The following ABCA4 variants were observed in gnomAD, a reference collection of about 807,000 sequenced individuals.
ABCA4 encodes the protein retinal-specific phospholipid-transporting ATPase ABCA4.
Under a neutral mutation model 263.7 loss-of-function variants are expected in ABCA4, and 196 were observed. The ratio of observed to expected loss-of-function variants is 0.74; its 90% CI spans 0.66 to 0.84. The LOEUF (loss-of-function observed/expected upper bound fraction) is 0.84. ABCA4 is among the 40% of genes least tolerant of loss of function. ABCA4 has a pLI of 0.00. For missense variants in ABCA4, 2,792 were observed against 2,855.1 expected, an observed-to-expected ratio of 0.98 and a Z score of 0.50; for synonymous variants, 1,133 against 1,094.2, an observed-to-expected ratio of 1.04 and a Z score of -0.70.
Position 94,046,923 on chromosome 1 carries a change from T to C in ABCA4, c.2914A>G (p.Thr972Ala). 1 of 1,613,928 alleles carries C rather than the reference T, an allele frequency of 6.2e-7. No individual in the cohort carries two copies. Among genetic ancestry groups the C allele is most frequent in the Non-Finnish European group, 8.5e-7 (1 of 1,179,974 alleles). The change falls in exon 19 of 50, where the codon ACC (threonine) becomes GCC (alanine). Residue 972 changes from threonine to alanine, a missense_variant. Physicochemically the swap from Thr to Ala is moderately conservative, Grantham distance 58. Coordinates refer to ENST00000370225, the MANE Select transcript of ABCA4 (RefSeq NM_000350.3). ...CTTCTCTGCTGGAAGACTCACAAGG[T>C]GGTGGTTTTCCCAGCTCCATTGTGG... ...LGHNGAGKTT[T>A]LSILTGLLPP...
At chr1:94,011,804 C>G (rs2101009311) in intron 38 of ABCA4, among the ~76,000 whole-genome samples, 1 of 152,344 alleles carries the variant, frequency 6.6e-6, no homozygotes, top group South Asian at 2.1e-4. Context: ...CTGGGGGTGA[C>G]AGCAGGAATG....
At chr1:94,106,487 T>G (rs1403894298) in intron 4 of ABCA4, among the ~76,000 whole-genome samples, 3 of 152,076 alleles carry the variant, frequency 2.0e-5, no homozygotes, top group Non-Finnish European at 4.4e-5. Context: ...TTGTTTAAAT[T>G]AGGAAAAAAA....
intron 36 of ABCA4, among the ~76,000 whole-genome samples, chr1:94,017,919 G>GAATT (rs1363235841): frequency 6.6e-6 from 1 of 152,230 alleles, no homozygotes; most frequent in African/African-American, 2.4e-5. Context: ...TGTGCTAAGT[G>GAATT]AATTACATAA....
chr1:94,071,651 C>T (rs1661401645), intron 11 of ABCA4, among the ~76,000 whole-genome samples: 1 of 152,210 alleles, frequency 6.6e-6, no homozygotes, highest in African/African-American at 2.4e-5. Flanking sequence ...TGTAACAGTG[C>T]CCAGCATGTG....
intron 11 of ABCA4, 80 bp from the exon 12 acceptor site, chr1:94,063,397 A>G (rs929607513): frequency 7.3e-7 from 1 of 1,368,452 alleles, no homozygotes; most frequent in Non-Finnish European, 1.0e-6. Context: ...AAGTCACAGG[A>G]TAAGGGCTGC....
At chr1:94,051,798 A>G in intron 16 of ABCA4, 100 bp from the exon 17 acceptor site, 2 of 871,784 alleles carry the variant, frequency 2.3e-6, no homozygotes, top group Non-Finnish European at 3.8e-6. Context: ...CTGAACCTCA[A>G]ATTGTAACTA....
intron 6 of ABCA4, among the ~76,000 whole-genome samples, chr1:94,088,808 G>A (rs1187122010): frequency 6.6e-6 from 1 of 150,966 alleles, no homozygotes; most frequent in African/African-American, 2.4e-5. Flanking sequence ...AAGCAACCAG[G>A]TCCTAGATAA....
At position 93,997,957 on chromosome 1, in the gene ABCA4, G is replaced by A. The variant is rs1208756046; in HGVS notation, c.6633C>T (p.Ser2211=). 1 of 1,614,112 alleles carries A rather than the reference G, an allele frequency of 6.2e-7. No individual in the cohort carries two copies. The highest frequency in any genetic ancestry group is 1.7e-5 in the Admixed American group (1 of 60,026). ...RHYNMLQFQV[S]SSSLARIFQL... Reference sequence around the variant, plus strand: ...GGAAGATCCTCGCCAGGGAGGAGGAGGAGACCTGGAACTGGAGCATGTTGT... The same window carrying A: ...GGAAGATCCTCGCCAGGGAGGAGGAAGAGACCTGGAACTGGAGCATGTTGT... Residue 2211 remains serine (S), a synonymous_variant, in exon 48 of 50, where the codon TCC becomes TCT. Transcript: ENST00000370225.
intron 7 of ABCA4, among the ~76,000 whole-genome samples, chr1:94,083,021 T>C (rs191791700): frequency 6.6e-6 from 1 of 152,378 alleles, no homozygotes; most frequent in African/African-American, 2.4e-5. Flanking sequence ...ATTTTAAGAC[T>C]GTAACAGAAT....
At chr1:94,019,855 C>CTGGG in intron 35 of ABCA4, 96 bp from the exon 36 acceptor site, 4 of 1,384,392 alleles carry the variant, frequency 2.9e-6, no homozygotes, top group Non-Finnish European at 4.0e-6. Flanking sequence ...GGCCTTACAC[C>CTGGG]CGCCCAGGTG....
intron 5 of ABCA4, among the ~76,000 whole-genome samples, chr1:94,101,968 C>T (rs911435918): frequency 6.6e-6 from 1 of 152,192 alleles, no homozygotes. Context: ...TGCTGCTGGT[C>T]TCTGGGCTTT....
intron 17 of ABCA4, 30 bp downstream of exon 17, chr1:94,051,603 A>T: frequency 6.3e-7 from 1 of 1,583,364 alleles, no homozygotes; most frequent in Non-Finnish European, 8.7e-7. Context: ...TTGATTTCAA[A>T]CATTAAGATT....
chr1:94,004,824 A>C (rs944985481), intron 44 of ABCA4, among the ~76,000 whole-genome samples: 8 of 152,060 alleles, frequency 5.3e-5, no homozygotes, highest in Non-Finnish European at 1.0e-4. Flanking sequence ...TTTCTGGTTT[A>C]TCCTTTCTAC....
chr1:94,105,420 G>T (rs970731653), intron 4 of ABCA4, among the ~76,000 whole-genome samples: 2 of 152,188 alleles, frequency 1.3e-5, no homozygotes, highest in Admixed American at 6.5e-5. Context: ...GTGGCTCTGG[G>T]GGGGAAGGGG....
intron 5 of ABCA4, among the ~76,000 whole-genome samples, chr1:94,102,508 G>A (rs527585663): frequency 3.3e-5 from 5 of 151,600 alleles, no homozygotes; most frequent in South Asian, 2.1e-4. Context: ...CTGCCCCTCC[G>A]TCCCTCTCTA....
At position 94,062,817 on chromosome 1, in the gene ABCA4, C is replaced by T. The variant is rs116585401; in HGVS notation, c.1761-64G>A. On this transcript the variant is annotated intron_variant, in intron 12 of 49. Transcript: ENST00000370225. ...TGGATAGCTCACTCACACCTCCCGA[C>T]CACAGGGTGACTCGGAACTCATTCT... 1.6e-3 allele frequency: 2,394 copies of T among 1,530,568 alleles called. 33 individuals are homozygous for T. In the African/African-American group the frequency reaches 0.028, roughly 18 times the overall value. 94.8% of individuals were successfully genotyped at this position (1,530,568 alleles called of 1,614,324 possible).
intron 38 of ABCA4, among the ~76,000 whole-genome samples, chr1:94,014,058 A>G (rs1031166587): frequency 6.6e-6 from 1 of 152,202 alleles, no homozygotes; most frequent in Non-Finnish European, 1.5e-5. Context: ...AGTCCCTGAG[A>G]AAACCTTTCT....
intron 9 of ABCA4, 52 bp from the exon 10 acceptor site, chr1:94,078,758 A>G (rs1468408351): frequency 1.5e-6 from 2 of 1,319,852 alleles, no homozygotes; most frequent in South Asian, 1.2e-5. Flanking sequence ...GAAAAGTGAG[A>G]GAGAACTTTT....
chr1:94,062,446 C>T (rs1661152226), intron 13 of ABCA4, 131 bp downstream of exon 13: 1 of 1,080,280 alleles, frequency 9.3e-7, no homozygotes, highest in Non-Finnish European at 1.4e-6. Flanking sequence ...TCCATGCTCT[C>T]CAATTTGGCT....
Sources: allele counts gnomAD v4.1 joint callset (sites outside exome capture counted in the v4.1 genomes callset), GRCh38; gene constraint gnomAD v4.1.1; transcripts MANE v1.5; gene names NCBI Gene and HGNC (gene_info 2026-07-23, HGNC 2026-07-21).